Variants in IGF2BP2 observed in about 807,000 individuals in gnomAD.
IGF2BP2 encodes insulin like growth factor 2 mRNA binding protein 2, also known as insulin-like growth factor 2 mRNA-binding protein 2.
A neutral mutation model predicts 75.8 loss-of-function variants in IGF2BP2; 17 were observed. That is an observed-to-expected ratio of 0.22 (90% CI 0.15 to 0.34). IGF2BP2 has a LOEUF of 0.34. IGF2BP2 is among the 10% of genes least tolerant of loss of function. The pLI, the probability that IGF2BP2 is intolerant of heterozygous loss-of-function variation, is 1.00. For missense variants in IGF2BP2, 516 were observed against 772.4 expected, an observed-to-expected ratio of 0.67 and a Z score of 3.93; for synonymous variants, 288 against 295.6, an observed-to-expected ratio of 0.97 and a Z score of 0.26.
At chr3:185,705,695 G>T (rs529369322) in intron 2 of IGF2BP2, among the ~76,000 whole-genome samples, 6 of 152,292 alleles carry the variant, frequency 3.9e-5, no homozygotes, top group African/African-American at 1.4e-4. Context: ...CCAAGATCAA[G>T]GCACCAGCAG....
chr3:185,649,290 G>A lies in IGF2BP2; in HGVS notation c.1593+113C>T, dbSNP rs1202292653. The A allele has an allele frequency of 2.2e-6, 3 of 1,384,072 alleles. No individual in the cohort carries two copies. The East Asian group carries it at 6.9e-5, about 32-fold the overall frequency. 85.7% of individuals were successfully genotyped at this position (1,384,072 alleles called of 1,614,324 possible). On this transcript the variant is annotated intron_variant, in intron 14 of 15. Coordinates refer to ENST00000382199, the MANE Select transcript of IGF2BP2 (RefSeq NM_006548.6). ...GGAGAGCCTTAGTTTATCTGCCAAA[G>A]ACCCTGACTGTACATTGGGACAGAA... is the stretch of plus-strand genomic sequence containing the variant.
intron 2 of IGF2BP2, among the ~76,000 whole-genome samples, chr3:185,755,163 G>A (rs147914795): frequency 2.0e-5 from 3 of 152,182 alleles, no homozygotes; most frequent in Admixed American, 6.5e-5. Flanking sequence ...AGGAAAGAAC[G>A]GTTTAGTGGG....
At chr3:185,721,149 G>C (rs1322752122) in intron 2 of IGF2BP2, among the ~76,000 whole-genome samples, 3 of 152,096 alleles carry the variant, frequency 2.0e-5, no homozygotes, top group Admixed American at 2.0e-4. Context: ...ATTAATGAAT[G>C]ACACACATGA....
rs573174249 is a variant in IGF2BP2 at position 185,733,031 on chromosome 3, C to T, written c.240-34684G>A. 5.3e-5 allele frequency among the ~76,000 whole-genome samples: 8 copies of T among 152,294 alleles called. No homozygotes were observed. The South Asian group carries it at 1.5e-3, about 28-fold the overall frequency. On this transcript the variant is annotated intron_variant, in intron 2 of 15. Coordinates refer to ENST00000382199, the MANE Select transcript of IGF2BP2 (RefSeq NM_006548.6). ...CACTTCCCTTCCTTCCACTATACTG[C>T]ATTCTCCTGCTTCCCCACCCTATTC... is the stretch of plus-strand genomic sequence containing the variant.
intron 12 of IGF2BP2, among the ~76,000 whole-genome samples, chr3:185,656,123 G>T (rs986568186): frequency 6.6e-6 from 1 of 152,244 alleles, no homozygotes; most frequent in Non-Finnish European, 1.5e-5. Flanking sequence ...ATCTCAGACT[G>T]CAGGACTGAA....
intron 2 of IGF2BP2, among the ~76,000 whole-genome samples, chr3:185,784,213 C>A (rs531099955): frequency 6.6e-6 from 1 of 152,008 alleles, no homozygotes; most frequent in African/African-American, 2.4e-5. Context: ...CCAGCCTGGG[C>A]GACAGAGTGA....
At chr3:185,792,455 A>T (rs1393962366) in intron 2 of IGF2BP2, among the ~76,000 whole-genome samples, 16 of 148,740 alleles carry the variant, frequency 1.1e-4, no homozygotes, top group South Asian at 2.2e-4. Context: ...GAATACAAAA[A>T]TTATTTTTTT....
At chr3:185,732,569 C>T (rs974550107) in intron 2 of IGF2BP2, among the ~76,000 whole-genome samples, 1 of 152,184 alleles carries the variant, frequency 6.6e-6, no homozygotes, top group African/African-American at 2.4e-5. Context: ...GCCCAGCCCC[C>T]AACATACTAC....
chr3:185,660,441 C>T (rs182081802), intron 10 of IGF2BP2, among the ~76,000 whole-genome samples: 50 of 152,276 alleles, frequency 3.3e-4, no homozygotes, highest in African/African-American at 1.0e-3. Flanking sequence ...AAACCGTTGC[C>T]CTTTTTGAGC....
chr3:185,689,687 G>A (rs908583381), intron 5 of IGF2BP2, 60 bp from the exon 6 acceptor site: 37 of 1,604,928 alleles, frequency 2.3e-5, no homozygotes, highest in South Asian at 1.1e-4. Flanking sequence ...AGACCCTCCC[G>A]GCCGGGCGCG....
chr3:185,662,052 TAC>T (rs1171137105), intron 10 of IGF2BP2, among the ~76,000 whole-genome samples: 1 of 152,102 alleles, frequency 6.6e-6, no homozygotes, highest in East Asian at 1.9e-4. Context: ...ACCAGTGGGC[TAC>T]AGACTTGACA....
At chr3:185,646,750 G>GAACCACAT in intron 15 of IGF2BP2, 1 of 448,776 alleles carries the variant, frequency 2.2e-6, no homozygotes, top group South Asian at 2.3e-5. Context: ...ACACTGCAGG[G>GAACCACAT]GGCTTGGAAC....
rs183734686 is a variant in IGF2BP2, at chr3:185,650,706, T to A, written c.1462-1172A>T. Among the ~76,000 whole-genome samples, 907 of 147,448 alleles carry A rather than the reference T, an allele frequency of 6.2e-3. 9 individuals carry two copies. The highest frequency in any genetic ancestry group is 0.035 in the East Asian group (177 of 5,110). On this transcript the variant is annotated intron_variant, in intron 13 of 15. Transcript: ENST00000382199. Reference sequence around the variant, plus strand: ...AAATAAAAACTGAAAAAAAAAAAAATATATCAATTTCAGTGGTCAGTATGT... The same window carrying A: ...AAATAAAAACTGAAAAAAAAAAAAAAATATCAATTTCAGTGGTCAGTATGT...
chr3:185,817,152 G>C (rs1740721740), intron 2 of IGF2BP2, among the ~76,000 whole-genome samples: 1 of 151,954 alleles, frequency 6.6e-6, no homozygotes, highest in Non-Finnish European at 1.5e-5. Flanking sequence ...AAACAGAATG[G>C]GAAAATCCTA....
At chr3:185,745,358 G>A (rs1405480367) in intron 2 of IGF2BP2, among the ~76,000 whole-genome samples, 2 of 152,158 alleles carry the variant, frequency 1.3e-5, no homozygotes, top group Admixed American at 1.3e-4. Flanking sequence ...TAGTTACTTG[G>A]GAGGCCAGGG....
At position 185,794,638 on chromosome 3, in the gene IGF2BP2, C is replaced by CTT. The variant is rs143589698; in HGVS notation, c.239+28513_239+28514dup. Reference sequence around the variant, plus strand: ...CATTGGCTTTATTTGGAGGTCACATCTTTTTTTTTCATTGTGATAAAAAAA... The same window carrying CTT: ...CATTGGCTTTATTTGGAGGTCACATCTTTTTTTTTTTCATTGTGATAAAAAAA... On this transcript the variant is annotated intron_variant, in intron 2 of 15. Coordinates refer to ENST00000382199, the MANE Select transcript of IGF2BP2 (RefSeq NM_006548.6). 2.2e-4 allele frequency among the ~76,000 whole-genome samples: 33 copies of CTT among 148,744 alleles called. 2 individuals carry two copies. Among genetic ancestry groups the CTT allele is most frequent in the African/African-American group, 3.0e-4 (12 of 40,268 alleles).
chr3:185,787,732 C>CA (rs5855073), intron 2 of IGF2BP2, among the ~76,000 whole-genome samples: 235 of 141,834 alleles, frequency 1.7e-3, no homozygotes, highest in African/African-American at 3.1e-3. Flanking sequence ...GACTCTGTCT[C>CA]AAAAAAAAAA....
intron 5 of IGF2BP2, among the ~76,000 whole-genome samples, chr3:185,691,778 A>G (rs1721983424): frequency 6.6e-6 from 1 of 152,124 alleles, no homozygotes; most frequent in African/African-American, 2.4e-5. Flanking sequence ...TCTGTTGCCC[A>G]GGCTGGATGG....
chr3:185,789,727 ATTT>A (rs10602691), intron 2 of IGF2BP2, among the ~76,000 whole-genome samples: 25,158 of 110,668 alleles, frequency 0.23, 1,450 homozygotes, highest in African/African-American at 0.26. Context: ...ACAACCAGGA[ATTT>A]TTTTTTTTTT....
Sources: gnomAD v4.1 joint callset for allele counts (sites outside exome capture counted in the v4.1 genomes callset) on GRCh38, gnomAD v4.1.1 for gene constraint, MANE v1.5 for transcripts, NCBI Gene and HGNC (gene_info 2026-07-23, HGNC 2026-07-21) for gene names.